Variants in LIN9 observed in about 807,000 individuals in gnomAD.
LIN9 encodes protein lin-9 homolog.
LIN9 carries 18 observed loss-of-function variants against 78.0 expected under a neutral mutation model. That is an observed-to-expected ratio of 0.23 (90% CI 0.16 to 0.34). The LOEUF (loss-of-function observed/expected upper bound fraction) is 0.34, where lower values mean the gene tolerates loss of function less well. Ranked by LOEUF, LIN9 falls within the 10% of genes least tolerant of loss-of-function variation. LIN9 has a pLI of 1.00. For missense variants in LIN9, 451 were observed against 644.1 expected (o/e 0.70, Z 3.25); for synonymous variants, 192 against 215.2 (o/e 0.89, Z 0.94).
chr1:226,295,451 A>AAT (rs1055348851), intron 4 of LIN9, among the ~76,000 whole-genome samples: 12 of 151,208 alleles, frequency 7.9e-5, no homozygotes, highest in Admixed American at 1.3e-4. Context: ...TCCGTCTCAA[A>AAT]ATATATATAT....
chr1:226,298,920 G>A (rs565904942), intron 2 of LIN9, among the ~76,000 whole-genome samples: 53 of 152,156 alleles, frequency 3.5e-4, no homozygotes, highest in African/African-American at 1.0e-3. Context: ...GTAAATCAGC[G>A]TGGTTATTTC....
rs1307318345 is a variant in LIN9, at chr1:226,231,409, A to G, written c.*1092T>C. 2 of 152,538 alleles carry G rather than the reference A, an allele frequency of 1.3e-5. No individual in the cohort carries two copies. Among genetic ancestry groups the G allele is most frequent in the Non-Finnish European group, 2.9e-5 (2 of 68,012 alleles). The allele number at this position is 152,538 out of a possible 1,614,324, so 9.4% of individuals were successfully genotyped here. A position where few individuals can be genotyped will look rare whatever the true frequency, so the allele number is the denominator to read the frequency against. On this transcript the variant is annotated 3_prime_UTR_variant, in exon 15 of 15. Transcript: ENST00000681046. ...TTTATGAGACATCTAAAGGAATTAA[A>G]ACCACCTCTACAGCTATATCTTAAA...
chr1:226,269,772 T>C (rs1032160050), intron 7 of LIN9, among the ~76,000 whole-genome samples: 3 of 152,090 alleles, frequency 2.0e-5, no homozygotes, highest in Admixed American at 2.0e-4. Context: ...GAAGATCCAA[T>C]AGTCTGGCAA....
chr1:226,286,490 C>G (rs770182538), intron 5 of LIN9, 32 bp from the exon 6 acceptor site: 1 of 1,486,616 alleles, frequency 6.7e-7, no homozygotes, highest in South Asian at 1.3e-5. Context: ...TTAATGGTTA[C>G]ATACAATGTG....
chr1:226,302,155 G>A (rs1334663721), intron 1 of LIN9, among the ~76,000 whole-genome samples: 2 of 152,198 alleles, frequency 1.3e-5, no homozygotes, highest in African/African-American at 2.4e-5. Context: ...ATAAACAACA[G>A]GGGATTCTGT....
chr1:226,301,334 G>A (rs1401867363), intron 1 of LIN9, 129 bp from the exon 2 acceptor site: 4 of 613,570 alleles, frequency 6.5e-6, no homozygotes, highest in Admixed American at 2.9e-5. Flanking sequence ...GGTGGAATGT[G>A]CAATTCGAAA....
chr1:226,259,354 T>G (rs527787361), intron 10 of LIN9, among the ~76,000 whole-genome samples: 2 of 152,160 alleles, frequency 1.3e-5, no homozygotes, highest in Middle Eastern at 3.2e-3. Context: ...ACCATTATAG[T>G]TGGAGATTTT....
intron 6 of LIN9, among the ~76,000 whole-genome samples, chr1:226,280,049 C>T (rs181844501): frequency 1.5e-4 from 23 of 152,298 alleles, no homozygotes; most frequent in African/African-American, 5.5e-4. Flanking sequence ...AAAGATGAGA[C>T]TTCCTACTAT....
intron 10 of LIN9, among the ~76,000 whole-genome samples, chr1:226,258,894 C>CAA (rs770169450): frequency 0.025 from 1,355 of 54,776 alleles, 314 homozygotes; most frequent in Non-Finnish European, 0.027. Flanking sequence ...TCTGTCTCAA[C>CAA]AAAAAAAAAA....
In LIN9 at chr1:226,233,180, CCTT is replaced by C. The variant is rs1336981841; in HGVS notation, c.1436_1438del (p.Glu479del). On this transcript the variant is annotated inframe_deletion, in exon 14 of 15. Coordinates refer to ENST00000681046, the MANE Select transcript of LIN9 (RefSeq NM_001366245.2). ...GAATTCAAAGGAATTCAGGTCTCCT[CCTT>C]CTGCTAGACACTAAAGGGAAAAAAA... 8 of 1,605,876 alleles carry C rather than the reference CCTT, an allele frequency of 5.0e-6. No individual in the cohort carries two copies. Among genetic ancestry groups the C allele is most frequent in the African/African-American group, 1.3e-5 (1 of 74,498 alleles).
intron 10 of LIN9, among the ~76,000 whole-genome samples, chr1:226,264,154 C>T (rs917756630): frequency 1.3e-5 from 2 of 151,322 alleles, no homozygotes; most frequent in Admixed American, 1.3e-4. Context: ...AGGCCGAGGG[C>T]GATCATGTGA....
chr1:226,239,216 G>A (rs1657940004), intron 11 of LIN9, 120 bp from the exon 12 acceptor site: 12 of 951,384 alleles, frequency 1.3e-5, no homozygotes, highest in Non-Finnish European at 1.7e-5. Flanking sequence ...AAATTTGTCT[G>A]TTTTAATTGT....
At chr1:226,283,485 G>C (rs372762085) in intron 6 of LIN9, among the ~76,000 whole-genome samples, 2 of 151,698 alleles carry the variant, frequency 1.3e-5, no homozygotes, top group African/African-American at 4.8e-5. Flanking sequence ...TTATTGATAG[G>C]AGTTCTTTAT....
intron 7 of LIN9, among the ~76,000 whole-genome samples, chr1:226,275,205 T>G (rs1159926870): frequency 6.6e-6 from 1 of 152,250 alleles, no homozygotes; most frequent in Non-Finnish European, 1.5e-5. Flanking sequence ...GGAGGCCCTG[T>G]GAACTTGATA....
At position 226,250,824 on chromosome 1, in the gene LIN9, A is replaced by G. The variant is rs758063290; in HGVS notation, c.1119+15T>C. ...TTAGACAAGCAAATGAAGAAAAAAA[A>G]AGAGAAATTCTTACCAATTTTTCTG... On this transcript the variant is annotated intron_variant, in intron 11 of 14. Transcript: ENST00000681046. 84 of 1,360,606 alleles carry G rather than the reference A, an allele frequency of 6.2e-5. No individual in the cohort carries two copies. The highest frequency in any genetic ancestry group is 8.5e-5 in the Non-Finnish European group (82 of 968,038). The allele number at this position is 1,360,606 out of a possible 1,614,324, so 84.3% of individuals were successfully genotyped here. A position where few individuals can be genotyped will look rare whatever the true frequency, so the allele number is the denominator to read the frequency against.
intron 6 of LIN9, among the ~76,000 whole-genome samples, chr1:226,283,841 T>C (rs1661227654): frequency 6.6e-6 from 1 of 151,942 alleles, no homozygotes; most frequent in Admixed American, 6.6e-5. Flanking sequence ...CCAGCTACTC[T>C]ACTCAGGAGG....
rs892550238 is a variant in LIN9 at position 226,280,636 on chromosome 1, G to A, written c.525-2704C>T. Among the ~76,000 whole-genome samples, 9 of 152,226 alleles carry A rather than the reference G, an allele frequency of 5.9e-5. No individual in the cohort carries two copies. In the South Asian group the frequency reaches 1.0e-3, roughly 18 times the overall value. On this transcript the variant is annotated intron_variant, in intron 6 of 14. Transcript: ENST00000681046. Reference sequence around the variant, plus strand: ...CCAAAAACACAAAAATTAGCTAGGCGTGGCAGTGTGTGCCTGTAATCCCAG... The same window carrying A: ...CCAAAAACACAAAAATTAGCTAGGCATGGCAGTGTGTGCCTGTAATCCCAG...
upstream of LIN9, chr1:226,309,501 G>C: frequency 8.9e-7 from 1 of 1,126,930 alleles, no homozygotes; most frequent in Non-Finnish European, 1.1e-6. Flanking sequence ...CCGCGCTGCA[G>C]CTGCGGGAAC....
chr1:226,233,081 T>C lies in LIN9; in HGVS notation c.1523+15A>G, dbSNP rs1229540148. ...ACTTCACATTAAAATGATTAGAGTA[T>C]ACCTAACGAATTACCTGATATTAGA... On this transcript the variant is annotated intron_variant, in intron 14 of 14. Transcript: ENST00000681046. 6 of 1,441,686 alleles carry C rather than the reference T, an allele frequency of 4.2e-6. No individual in the cohort carries two copies. Among genetic ancestry groups the C allele is most frequent in the African/African-American group, 1.4e-5 (1 of 70,178 alleles). 89.3% of individuals were successfully genotyped at this position (1,441,686 alleles called of 1,614,324 possible).
Sources: gnomAD v4.1 joint callset for allele counts (sites outside exome capture counted in the v4.1 genomes callset) on GRCh38, gnomAD v4.1.1 for gene constraint, MANE v1.5 for transcripts, NCBI Gene and HGNC (gene_info 2026-07-23, HGNC 2026-07-21) for gene names.